The following SLAMF9 variants were observed in gnomAD, a reference collection of about 807,000 sequenced individuals.
SLAMF9 encodes SLAM family member 9.
SLAMF9 carries 25 observed loss-of-function variants against 30.4 expected under a neutral mutation model. The ratio of observed to expected loss-of-function variants is 0.82; its 90% CI spans 0.60 to 1.15. The LOEUF is 1.15. SLAMF9 is among the 50% of genes most tolerant of loss of function. The pLI is 0.00. For missense variants in SLAMF9, 344 were observed against 346.1 expected (o/e 0.99, Z 0.05); for synonymous variants, 129 against 127.2 (o/e 1.01, Z -0.09).
the SLAMF9 span, among the ~76,000 whole-genome samples, chr1:159,969,047 A>G: frequency 2.6e-5 from 4 of 151,526 alleles, no homozygotes; most frequent in African/African-American, 9.7e-5. Flanking sequence ...ATCTCAAAAA[A>G]AAGAAGAAGA....
chr1:159,953,361 G>A lies in SLAMF9; in HGVS notation c.339C>T (p.Asn113=). The A allele has an allele frequency of 6.2e-7, 1 of 1,613,520 alleles. No homozygotes were observed. ...EDSGLYQAQV[N]LRTSQISTMQ... ...TGGTAGAGATCTGGGATGTTCTCAGGTTGACTTGAGCTTGGTAAAGCCCTG... is the reference window on the plus strand; with the variant it reads ...TGGTAGAGATCTGGGATGTTCTCAGATTGACTTGAGCTTGGTAAAGCCCTG... Residue 113 remains asparagine (N), a synonymous_variant, in exon 2 of 4, where the codon AAC becomes AAT. Coordinates refer to ENST00000368093, the MANE Select transcript of SLAMF9 (RefSeq NM_033438.4).
the SLAMF9 span, among the ~76,000 whole-genome samples, chr1:159,976,171 A>C: frequency 2.0e-5 from 3 of 152,034 alleles, no homozygotes; most frequent in Admixed American, 2.0e-4. Flanking sequence ...TATCTATATA[A>C]TATATATGGC....
At position 159,951,574 on chromosome 1, in the gene SLAMF9, C is replaced by A. The variant is rs757043346; in HGVS notation, c.*87G>T. ...TCTGGATACCCACCCCTGAGCACCT[C>A]CTTCCCCTGGAAAGAAGAGAGCTGA... is the stretch of plus-strand genomic sequence containing the variant. On this transcript the variant is annotated 3_prime_UTR_variant, in exon 4 of 4. Transcript: ENST00000368093. 117 of 1,344,200 alleles carry A rather than the reference C, an allele frequency of 8.7e-5. No homozygotes were observed. Among genetic ancestry groups the A allele is most frequent in the Non-Finnish European group, 1.2e-4 (114 of 956,178 alleles). 83.3% of individuals were successfully genotyped at this position (1,344,200 alleles called of 1,614,324 possible).
At chr1:159,973,374 C>T in the SLAMF9 span, 276 of 534,140 alleles carry the variant, frequency 5.2e-4, 5 homozygotes, top group South Asian at 6.8e-3. Context: ...GTCCAGGCTG[C>T]AGCCCGGGAA....
chr1:159,981,287 G>T, the SLAMF9 span, among the ~76,000 whole-genome samples: 1 of 152,128 alleles, frequency 6.6e-6, no homozygotes, highest in Non-Finnish European at 1.5e-5. Flanking sequence ...GCCAAGGAGG[G>T]AGGCCTCAGA....
the SLAMF9 span, among the ~76,000 whole-genome samples, chr1:159,972,233 C>G: frequency 6.6e-6 from 1 of 152,196 alleles, no homozygotes; most frequent in Non-Finnish European, 1.5e-5. Context: ...CTCACCCACA[C>G]CCTACAGCCT....
At chr1:159,974,175 T>C in the SLAMF9 span, 4 of 755,730 alleles carry the variant, frequency 5.3e-6, no homozygotes, top group Non-Finnish European at 8.9e-6. Flanking sequence ...CCTTGGATGG[T>C]ACCGGTGCAG....
chr1:159,976,773 CAGTATCA>C, the SLAMF9 span: 2 of 151,558 alleles, frequency 1.3e-5, no homozygotes, highest in African/African-American at 4.9e-5. Flanking sequence ...GAGTAGAAGA[CAGTATCA>C]AGAATCCAGA....
chr1:159,972,306 G>A, the SLAMF9 span, among the ~76,000 whole-genome samples: 19 of 152,356 alleles, frequency 1.2e-4, no homozygotes, highest in African/African-American at 4.6e-4. Flanking sequence ...CAGTGTTGGT[G>A]AGACCACAGG....
the SLAMF9 span, among the ~76,000 whole-genome samples, chr1:159,975,059 T>G: frequency 6.6e-6 from 1 of 152,064 alleles, no homozygotes; most frequent in African/African-American, 2.4e-5. Context: ...AGCAGTAACA[T>G]AGATAACTCC....
rs1410960654 is a variant in SLAMF9 at position 159,953,477 on chromosome 1, T to C, written c.223A>G (p.Ile75Val). Residue 75 changes from isoleucine (I) to valine (V), a missense_variant, in exon 2 of 4, where the codon ATC becomes GTC. Transcript: ENST00000368093. ...VPGKEGHPAT[I>V]MVTNPHYQGQ... ...TGGTAGTGTGGATTGGTCACCATGA[T>C]GGTAGCTGGATGTCCCTCTTTCCCT... The C allele has an allele frequency of 1.2e-6, 2 of 1,614,186 alleles. No individual in the cohort carries two copies. The highest frequency in any genetic ancestry group is 8.5e-7 in the Non-Finnish European group (1 of 1,180,024).
chr1:159,973,560 T>C, the SLAMF9 span, among the ~76,000 whole-genome samples: 3 of 152,246 alleles, frequency 2.0e-5, no homozygotes, highest in Non-Finnish European at 2.9e-5. Context: ...GGTCCAGGCT[T>C]TTCCCAGTGC....
chr1:159,966,368 A>T, the SLAMF9 span, among the ~76,000 whole-genome samples: 1 of 152,218 alleles, frequency 6.6e-6, no homozygotes, highest in Non-Finnish European at 1.5e-5. Flanking sequence ...ATGAACATTT[A>T]GATTGAGTCC....
the SLAMF9 span, chr1:159,972,891 C>A: frequency 2.0e-6 from 2 of 979,462 alleles, no homozygotes; most frequent in African/African-American, 3.4e-5. Context: ...AAGACCCTGG[C>A]TCCCTCCTCT....
At chr1:159,954,350 C>A, upstream of SLAMF9, 3 of 432,490 alleles carry the variant, frequency 6.9e-6, no homozygotes, top group Non-Finnish European at 1.2e-5. Flanking sequence ...TCTTTCAGAT[C>A]CTGATTGTCA....
At chr1:159,974,093 G>A in the SLAMF9 span, 1 of 1,488,918 alleles carries the variant, frequency 6.7e-7, no homozygotes, top group South Asian at 1.2e-5. Flanking sequence ...GGGCAGCCCT[G>A]GAGCTGCAGG....
rs373318679 is a variant in SLAMF9, at chr1:159,953,580, G to T, written c.120C>A (p.Leu40=). 8 of 1,614,000 alleles carry T rather than the reference G, an allele frequency of 5.0e-6. No individual in the cohort carries two copies. In the Admixed American group the frequency reaches 1.0e-4, roughly 20 times the overall value. The part of the protein sequence containing the change: ...VVAVLQESIS[L]PLEIPPDEEV... Reference sequence around the variant, plus strand: ...CTTCATCTGGTGGTATTTCCAGGGGGAGGCTGATGGACTCCTGAAGGACCG... The same window carrying T: ...CTTCATCTGGTGGTATTTCCAGGGGTAGGCTGATGGACTCCTGAAGGACCG... The change falls in exon 2 of 4, where the codon CTC becomes CTA. Residue 40 remains leucine, a synonymous_variant. Coordinates refer to ENST00000368093, the MANE Select transcript of SLAMF9 (RefSeq NM_033438.4).
rs1249478814 is a variant in SLAMF9, at chr1:159,953,289, G to T, written c.391+20C>A. The T allele has an allele frequency of 1.9e-6, 3 of 1,577,208 alleles. No individual in the cohort carries two copies. In the African/African-American group the frequency reaches 4.0e-5, roughly 21 times the overall value. ...GAAGAGCCCCCAAAACCAGCTTTAT[G>T]GTTCCCAGCCTAAACTCACGGTAGA... On this transcript the variant is annotated intron_variant, in intron 2 of 3. Coordinates refer to ENST00000368093, the MANE Select transcript of SLAMF9 (RefSeq NM_033438.4).
chr1:159,958,242 T>G (rs1455456020), upstream of SLAMF9, among the ~76,000 whole-genome samples: 1 of 152,234 alleles, frequency 6.6e-6, no homozygotes, highest in East Asian at 1.9e-4. Flanking sequence ...ATGTGTTTAC[T>G]CTTGAAGGGG....
Sources: gnomAD v4.1 joint callset for allele counts (sites outside exome capture counted in the v4.1 genomes callset) on GRCh38, gnomAD v4.1.1 for gene constraint, MANE v1.5 for transcripts, NCBI Gene and HGNC (gene_info 2026-07-23, HGNC 2026-07-21) for gene names.